STARD3NL: variants seen among roughly 807,000 people sequenced by gnomAD.
STARD3NL encodes STARD3 N-terminal-like protein.
Under a neutral mutation model 30.9 loss-of-function variants are expected in STARD3NL, and 17 were observed. The ratio of observed to expected loss-of-function variants is 0.55; its 90% CI spans 0.38 to 0.82. STARD3NL has a LOEUF of 0.82. Among genes scored for constraint, STARD3NL ranks in the 40% least tolerant of loss-of-function variants. STARD3NL has a pLI of 0.00. For synonymous variants in STARD3NL, 112 were observed against 100.5 expected (o/e 1.11, Z -0.69); for missense variants, 234 against 277.6 (o/e 0.84, Z 1.12).
chr7:38,199,063 CT>C (rs576459001), intron 1 of STARD3NL, among the ~76,000 whole-genome samples: 2 of 152,196 alleles, frequency 1.3e-5, no homozygotes, highest in African/African-American at 2.4e-5. Flanking sequence ...ACATCAATCT[CT>C]TTTTCAGAAA....
chr7:38,208,336 G>A lies in STARD3NL; in HGVS notation c.225+607G>A, dbSNP rs570947725. On this transcript the variant is annotated intron_variant, in intron 2 of 8. Transcript: ENST00000009041. The stretch of plus-strand genomic sequence containing the variant: ...TACTTATTTATATTTCATCGGAAAA[G>A]TTGTCCTGGAGGCATTTGGAGGTTT... Among the ~76,000 whole-genome samples the A allele has an allele frequency of 8.3e-4, 126 of 152,272 alleles. 2 individuals carry two copies. Among genetic ancestry groups the A allele is most frequent in the African/African-American group, 2.9e-3 (120 of 41,544 alleles).
intron 3 of STARD3NL, 115 bp from the exon 4 acceptor site, chr7:38,214,913 C>A: frequency 1.1e-6 from 1 of 898,844 alleles, no homozygotes; most frequent in Non-Finnish European, 1.7e-6. Flanking sequence ...CAGTGCCAGT[C>A]CCTGGTAGTC....
At chr7:38,191,748 T>G (rs1291333434) in intron 1 of STARD3NL, among the ~76,000 whole-genome samples, 1 of 152,306 alleles carries the variant, frequency 6.6e-6, no homozygotes, top group East Asian at 1.9e-4. Flanking sequence ...ACCTATTTGT[T>G]TATTCTTATG....
At chr7:38,188,829 G>A (rs1784567500) in intron 1 of STARD3NL, among the ~76,000 whole-genome samples, 1 of 152,116 alleles carries the variant, frequency 6.6e-6, no homozygotes, top group Admixed American at 6.5e-5. Flanking sequence ...ATTCCTATAG[G>A]AAATAGATCA....
intron 7 of STARD3NL, among the ~76,000 whole-genome samples, chr7:38,226,147 A>T (rs62443342): frequency 0.31 from 31,914 of 102,960 alleles, 3,699 homozygotes; most frequent in Middle Eastern, 0.39. Context: ...ATCTTTGCCT[A>T]TCTTGTTTTT....
chr7:38,207,872 T>G, intron 2 of STARD3NL, 143 bp downstream of exon 2: 1 of 762,822 alleles, frequency 1.3e-6, no homozygotes, highest in South Asian at 1.9e-5. Context: ...CCTCCTGATT[T>G]GGACCTTTCT....
chr7:38,228,930 A>T, intron 8 of STARD3NL, 59 bp downstream of exon 8: 1 of 1,246,906 alleles, frequency 8.0e-7, no homozygotes, highest in Non-Finnish European at 1.2e-6. Context: ...ATTTCCTTTG[A>T]GTAGAGTCAA....
intron 2 of STARD3NL, among the ~76,000 whole-genome samples, chr7:38,212,107 T>C (rs62443337): frequency 0.077 from 11,682 of 152,176 alleles, 586 homozygotes; most frequent in Non-Finnish European, 0.11. Flanking sequence ...GTAGCCAGGG[T>C]AACCTGTGAA....
In STARD3NL at chr7:38,191,793, T is replaced by C. The variant is rs533709469; in HGVS notation, c.-59+13373T>C. 3.3e-5 allele frequency among the ~76,000 whole-genome samples: 5 copies of C among 152,326 alleles called. No homozygotes were observed. In the East Asian group the frequency reaches 9.6e-4, roughly 29 times the overall value. On this transcript the variant is annotated intron_variant, in intron 1 of 8. Coordinates refer to ENST00000009041, the MANE Select transcript of STARD3NL (RefSeq NM_032016.4). ...TACTGTTTTGATTACTGAAGCTTTG[T>C]GGAGTCTTTAAGCTAGGTAATGTGT...
intron 1 of STARD3NL, among the ~76,000 whole-genome samples, chr7:38,182,474 A>G (rs1396545914): frequency 1.3e-5 from 2 of 152,208 alleles, no homozygotes; most frequent in Non-Finnish European, 2.9e-5. Context: ...GCCCTGTGTT[A>G]CTTGCAGTGC....
intron 7 of STARD3NL, among the ~76,000 whole-genome samples, chr7:38,221,288 C>G (rs78281951): frequency 0.016 from 2,427 of 152,226 alleles, 76 homozygotes; most frequent in African/African-American, 0.056. Flanking sequence ...TTAATATTCA[C>G]TCATTTACTC....
chr7:38,191,699 G>A (rs1784692557), intron 1 of STARD3NL, among the ~76,000 whole-genome samples: 2 of 152,072 alleles, frequency 1.3e-5, no homozygotes, highest in Admixed American at 1.3e-4. Flanking sequence ...GACCATATAT[G>A]TGTGGGCCTA....
At chr7:38,190,582 T>C (rs112866062) in intron 1 of STARD3NL, among the ~76,000 whole-genome samples, 2,104 of 152,354 alleles carry the variant, frequency 0.014, 22 homozygotes, top group Middle Eastern at 0.027. Flanking sequence ...ATGACACTTA[T>C]CCTTCAGTAC....
chr7:38,199,965 G>A (rs552729810), intron 1 of STARD3NL, among the ~76,000 whole-genome samples: 2 of 152,292 alleles, frequency 1.3e-5, no homozygotes, highest in South Asian at 4.1e-4. Flanking sequence ...GCAGCCACGG[G>A]CTTTGCTGGG....
chr7:38,192,859 G>T (rs943175396), intron 1 of STARD3NL, among the ~76,000 whole-genome samples: 1 of 144,762 alleles, frequency 6.9e-6, no homozygotes, highest in African/African-American at 2.5e-5. Context: ...TGAAGATCGG[G>T]CGCACACTCC....
chr7:38,218,738 T>C (rs1275345526), intron 6 of STARD3NL, among the ~76,000 whole-genome samples: 2 of 152,258 alleles, frequency 1.3e-5, no homozygotes, highest in Non-Finnish European at 2.9e-5. Context: ...TCAAAAGAAC[T>C]TAAGTGTTGG....
intron 1 of STARD3NL, among the ~76,000 whole-genome samples, chr7:38,199,309 C>T (rs1285906379): frequency 1.3e-5 from 2 of 152,194 alleles, no homozygotes; most frequent in Admixed American, 6.5e-5. Context: ...GAAATGACAT[C>T]TGGAAAAATA....
At chr7:38,182,419 A>G (rs1475910500) in intron 1 of STARD3NL, among the ~76,000 whole-genome samples, 1 of 152,154 alleles carries the variant, frequency 6.6e-6, no homozygotes, top group Non-Finnish European at 1.5e-5. Context: ...AACGATTTCC[A>G]CTTTTTAATA....
chr7:38,198,391 C>T (rs928404689), intron 1 of STARD3NL: 1 of 152,032 alleles, frequency 6.6e-6, no homozygotes, highest in Non-Finnish European at 1.5e-5. Flanking sequence ...CCTGGTGATT[C>T]TATATCTTTT....
Sources: allele counts gnomAD v4.1 joint callset (sites outside exome capture counted in the v4.1 genomes callset), GRCh38; gene constraint gnomAD v4.1.1; transcripts MANE v1.5; gene names NCBI Gene and HGNC (gene_info 2026-07-23, HGNC 2026-07-21).